ADIPOR2: variants seen among roughly 807,000 people sequenced by gnomAD.
ADIPOR2 encodes the protein adiponectin receptor protein 2.
A neutral mutation model predicts 40.9 loss-of-function variants in ADIPOR2; 18 were observed. That is an observed-to-expected ratio of 0.44 (90% CI 0.30 to 0.65). The LOEUF is 0.65. ADIPOR2 is among the 30% of genes least tolerant of loss of function. The pLI, the probability that ADIPOR2 is intolerant of heterozygous loss-of-function variation, is 0.09. For missense variants in ADIPOR2, 283 were observed against 479.2 expected, an observed-to-expected ratio of 0.59 and a Z score of 3.82; for synonymous variants, 165 against 166.4, an observed-to-expected ratio of 0.99 and a Z score of 0.06.
intron 1 of ADIPOR2, among the ~76,000 whole-genome samples, chr12:1,727,214 G>A (rs946048461): frequency 6.6e-6 from 1 of 152,170 alleles, no homozygotes; most frequent in Non-Finnish European, 1.5e-5. Context: ...TGCTCTTAGA[G>A]CTTGTAGGTC....
At position 1,701,990 on chromosome 12, in the gene ADIPOR2, C is replaced by T. The variant is rs760021011; in HGVS notation, c.-87+10799C>T. 5.9e-4 allele frequency among the ~76,000 whole-genome samples: 90 copies of T among 152,182 alleles called. 1 individual carries two copies. The highest frequency in any genetic ancestry group is 1.1e-3 in the Non-Finnish European group (72 of 68,006). ...TACAAACATTAGCTGGGCGGGGTGG[C>T]GCGTGCCTGTAATCCCAGCTACTCA... is the stretch of plus-strand genomic sequence containing the variant. On this transcript the variant is annotated intron_variant, in intron 1 of 7. Transcript: ENST00000357103.
chr12:1,743,552 T>G (rs1367332264), intron 1 of ADIPOR2, among the ~76,000 whole-genome samples: 2 of 152,030 alleles, frequency 1.3e-5, no homozygotes, highest in East Asian at 3.9e-4. Context: ...ACGCCTGTAG[T>G]CTAAGCTTCT....
At chr12:1,754,790 TAGC>T (rs1033254270) in intron 2 of ADIPOR2, among the ~76,000 whole-genome samples, 4 of 151,856 alleles carry the variant, frequency 2.6e-5, no homozygotes, top group African/African-American at 7.3e-5. Flanking sequence ...CGGAGTGCAG[TAGC>T]ATGATCTCGG....
At chr12:1,756,488 G>C (rs948195949) in intron 2 of ADIPOR2, among the ~76,000 whole-genome samples, 1 of 150,568 alleles carries the variant, frequency 6.6e-6, no homozygotes, top group Admixed American at 6.6e-5. Context: ...CCAAAAGAAG[G>C]CCAGTGTAGT....
chr12:1,715,261 A>C (rs2094685271), intron 1 of ADIPOR2, among the ~76,000 whole-genome samples: 1 of 152,092 alleles, frequency 6.6e-6, no homozygotes, highest in African/African-American at 2.4e-5. Flanking sequence ...CCTCTTACAG[A>C]AAAGGTCAAG....
intron 1 of ADIPOR2, among the ~76,000 whole-genome samples, chr12:1,743,310 TA>T (rs137936686): frequency 0.29 from 26,058 of 88,514 alleles, 2,927 homozygotes; most frequent in East Asian, 0.51. Context: ...AGACGCTGTC[TA>T]AAAAAAAAAA....
At chr12:1,743,270 C>T (rs2094747375) in intron 1 of ADIPOR2, among the ~76,000 whole-genome samples, 1 of 138,188 alleles carries the variant, frequency 7.2e-6, no homozygotes, top group South Asian at 2.3e-4. Flanking sequence ...CAAGATTGTG[C>T]CACTGCACTC....
At chr12:1,741,218 C>T (rs10848568) in intron 1 of ADIPOR2, among the ~76,000 whole-genome samples, 124,153 of 152,028 alleles carry the variant, frequency 0.82, 51,350 homozygotes, top group East Asian at 0.9. Context: ...TTTTTCTGTT[C>T]GAAAGAGCAC....
At chr12:1,721,233 T>C (rs1415713699) in intron 1 of ADIPOR2, among the ~76,000 whole-genome samples, 1 of 114,112 alleles carries the variant, frequency 8.8e-6, no homozygotes, top group Middle Eastern at 3.9e-3. Context: ...TTTTTTTTTT[T>C]TTGAGGTGGA....
chr12:1,707,066 T>C (rs2094664805), intron 1 of ADIPOR2, among the ~76,000 whole-genome samples: 2 of 152,184 alleles, frequency 1.3e-5, no homozygotes, highest in Non-Finnish European at 1.5e-5. Flanking sequence ...ACTCCGCATG[T>C]TTTTGAGAGT....
rs182352139 is a variant in ADIPOR2, at chr12:1,725,035, A to G, written c.-86-29223A>G. ...AGTGTCATTATGAAAGAGGGGCTAT[A>G]CACAATACAGCAGTATAAAACTGTA... On this transcript the variant is annotated intron_variant, in intron 1 of 7. Coordinates refer to ENST00000357103, the MANE Select transcript of ADIPOR2 (RefSeq NM_024551.3). Among the ~76,000 whole-genome samples, 424 of 152,320 alleles carry G rather than the reference A, an allele frequency of 2.8e-3. 2 individuals carry two copies. The highest frequency in any genetic ancestry group is 9.7e-3 in the African/African-American group (405 of 41,560).
At position 1,781,057 on chromosome 12, in the gene ADIPOR2, G is replaced by C. The variant is rs780066983; in HGVS notation, c.819G>C (p.Gln273His). The change falls in exon 6 of 8, where the codon CAG (glutamine) becomes CAC (histidine). Residue 273 changes from glutamine (Q) to histidine (H), a missense_variant. By Grantham distance (24) the Gln-to-His change is conservative. Transcript: ENST00000357103. ...AGTGGGACATGTTTGCCACCCCTCAGTATCGGGGAGTAAGAGCAGGTAAGA... is the reference window on the plus strand; with the variant it reads ...AGTGGGACATGTTTGCCACCCCTCACTATCGGGGAGTAAGAGCAGGTAAGA... The part of the protein sequence containing the change: ...VSQWDMFATP[Q>H]YRGVRAGVFL... 5 of 1,605,592 alleles carry C rather than the reference G, an allele frequency of 3.1e-6. No individual in the cohort carries two copies. Among genetic ancestry groups the C allele is most frequent in the Non-Finnish European group, 8.5e-7 (1 of 1,176,962 alleles).
chr12:1,703,718 C>CGAAT (rs1338000328), intron 1 of ADIPOR2, among the ~76,000 whole-genome samples: 4 of 149,904 alleles, frequency 2.7e-5, no homozygotes, highest in African/African-American at 7.4e-5. Context: ...CTCTGTCTCA[C>CGAAT]GAATAAATAA....
At chr12:1,706,863 T>C (rs370920824) in intron 1 of ADIPOR2, among the ~76,000 whole-genome samples, 135 of 152,284 alleles carry the variant, frequency 8.9e-4, no homozygotes, top group African/African-American at 3.1e-3. Flanking sequence ...AGGTGGCTCA[T>C]GCCCATATTT....
At chr12:1,747,003 C>G (rs964118134) in intron 1 of ADIPOR2, among the ~76,000 whole-genome samples, 1 of 151,956 alleles carries the variant, frequency 6.6e-6, no homozygotes. Flanking sequence ...TCCTTGCACT[C>G]TAGTCTGGGC....
intron 3 of ADIPOR2, among the ~76,000 whole-genome samples, chr12:1,775,252 T>C (rs1440257097): frequency 1.3e-5 from 2 of 152,244 alleles, no homozygotes; most frequent in East Asian, 1.9e-4. Flanking sequence ...TAAATAAATA[T>C]GTCTTTGGCT....
intron 1 of ADIPOR2, among the ~76,000 whole-genome samples, chr12:1,698,866 A>G (rs2094644619): frequency 1.3e-4 from 1 of 7,672 alleles, no homozygotes; most frequent in South Asian, 0.083. Flanking sequence ...GTCATTACAA[A>G]TTAAAAAAAA....
intron 1 of ADIPOR2, among the ~76,000 whole-genome samples, chr12:1,694,708 A>T (rs370164467): frequency 1.3e-3 from 204 of 152,342 alleles, no homozygotes; most frequent in Non-Finnish European, 2.2e-3. Flanking sequence ...CTTTGTAGAT[A>T]ACCAGGGGCA....
At chr12:1,727,465 A>C (rs904550929) in intron 1 of ADIPOR2, among the ~76,000 whole-genome samples, 2 of 152,206 alleles carry the variant, frequency 1.3e-5, no homozygotes, top group African/African-American at 4.8e-5. Context: ...CATTGCATGT[A>C]TAATTATTAT....
Sources: allele counts gnomAD v4.1 joint callset (sites outside exome capture counted in the v4.1 genomes callset), GRCh38; gene constraint gnomAD v4.1.1; transcripts MANE v1.5; gene names NCBI Gene and HGNC (gene_info 2026-07-23, HGNC 2026-07-21).